EIF2B4: variants seen among roughly 807,000 people sequenced by gnomAD.
EIF2B4 encodes the protein translation initiation factor eIF2B subunit delta.
EIF2B4 carries 34 observed loss-of-function variants against 66.7 expected under a neutral mutation model. The observed-to-expected ratio is 0.51, with a 90% CI of 0.39 to 0.68. The LOEUF (loss-of-function observed/expected upper bound fraction) is 0.68, where lower values mean the gene tolerates loss of function less well. Ranked by LOEUF, EIF2B4 falls within the 30% of genes least tolerant of loss-of-function variation. EIF2B4 has a pLI of 0.00. For missense variants in EIF2B4, 618 were observed against 657.9 expected, an observed-to-expected ratio of 0.94 and a Z score of 0.66; for synonymous variants, 278 against 253.6, an observed-to-expected ratio of 1.10 and a Z score of -0.92.
rs757012537 is a variant in EIF2B4, at chr2:27,364,886, G to A, written c.1204C>T (p.Leu402=). The change falls in exon 12 of 13, where the codon CTA becomes TTA. Residue 402 remains leucine (L), a synonymous_variant. Transcript: ENST00000347454. ...GCCAAGAGTGCATGAGCTCCCAATA[G>A]CACCTTGGAAACCTGTTTCACAGGA... ...SYVLPEVSKV[L]LGAHALLANG... 9 of 1,614,034 alleles carry A rather than the reference G, an allele frequency of 5.6e-6. No individual in the cohort carries two copies. The South Asian group carries it at 8.8e-5, about 16-fold the overall frequency.
At chr2:27,366,172 A>T (rs1681839440) in intron 11 of EIF2B4, 1 of 123,424 alleles carries the variant, frequency 8.1e-6, no homozygotes, top group African/African-American at 3.4e-5. Flanking sequence ...AGTAGCTGGA[A>T]CTACATGCGC....
At position 27,367,064 on chromosome 2, in the gene EIF2B4, T is replaced by G; in HGVS notation, c.1013+10A>C. The G allele has an allele frequency of 6.2e-7, 1 of 1,614,218 alleles. No individual in the cohort carries two copies. The highest frequency in any genetic ancestry group is 8.5e-7 in the Non-Finnish European group (1 of 1,180,050). On this transcript the variant is annotated intron_variant, in intron 10 of 12. Coordinates refer to ENST00000347454, the MANE Select transcript of EIF2B4 (RefSeq NM_001034116.2). The stretch of plus-strand genomic sequence containing the variant: ...TCCCAATCTGCTCAGTCACAAGGTC[T>G]GGACCATACCATCCATATACCAGGA...
Position 27,364,588 on chromosome 2 carries a change from C to T in EIF2B4, c.1384G>A (p.Asp462Asn). Residue 462 changes from aspartate to asparagine, a missense_variant, in exon 13 of 13, where the codon GAT becomes AAT. Around this residue, in one of 4 missense-constraint regions of EIF2B4, gnomAD observed 63 missense variants for 47.5 expected, o/e 1.33. Coordinates refer to ENST00000347454, the MANE Select transcript of EIF2B4 (RefSeq NM_001034116.2). ...TGTTCTCCCCGCTTACATTGCAGAT[C>T]ATCAGGGTCATCTGCAATGGAAGGC... ...FVSNELDDPDDLQCKRGEHVA... is the reference protein window; with the variant it reads ...FVSNELDDPDNLQCKRGEHVA... 6.2e-7 allele frequency: 1 copy of T among 1,614,196 alleles called. No homozygotes were observed. Among genetic ancestry groups the T allele is most frequent in the Non-Finnish European group, 8.5e-7 (1 of 1,180,040 alleles).
intron 7 of EIF2B4, 57 bp downstream of exon 7, chr2:27,367,967 TG>T (rs972532369): frequency 2.6e-6 from 4 of 1,509,452 alleles, no homozygotes; most frequent in Non-Finnish European, 3.6e-6. Flanking sequence ...TGACAGAAGC[TG>T]GGGTAGTATT....
chr2:27,366,406 G>C (rs531452024), intron 11 of EIF2B4: 2 of 334,870 alleles, frequency 6.0e-6, no homozygotes, highest in African/African-American at 4.2e-5. Flanking sequence ...ATTGTGGCTG[G>C]GCACAGTGGC....
At position 27,366,601 on chromosome 2, in the gene EIF2B4, C is replaced by G. The variant is rs1284284523; in HGVS notation, c.1191+158G>C. 1.2e-5 allele frequency: 10 copies of G among 824,702 alleles called. No homozygotes were observed. The East Asian group carries it at 2.6e-4, about 22-fold the overall frequency. The allele number at this position is 824,702 out of a possible 1,614,324, so 51.1% of individuals were successfully genotyped here. A position where few individuals can be genotyped will look rare whatever the true frequency, so the allele number is the denominator to read the frequency against. ...GGCGGAGGTGGGAAGATCACCTGAG[C>G]CCAGGAGGTCAAGACTGCAGTGAGC... is the stretch of plus-strand genomic sequence containing the variant. On this transcript the variant is annotated intron_variant, in intron 11 of 12. Coordinates refer to ENST00000347454, the MANE Select transcript of EIF2B4 (RefSeq NM_001034116.2).
In EIF2B4 at chr2:27,367,755, G is replaced by A. The variant is rs1681969324; in HGVS notation, c.773C>T (p.Pro258Leu). Residue 258 changes from proline to leucine, a missense_variant, in exon 8 of 13, where the codon CCC (proline) becomes CTC (leucine). Transcript: ENST00000347454. ...ATAGTGTTGTCCCTACCTCATGTAGGGTTTTAGTTTATTCACTAGATCCCT... is the reference window on the plus strand; with the variant it reads ...ATAGTGTTGTCCCTACCTCATGTAGAGTTTTAGTTTATTCACTAGATCCCT... ...LSRDLVNKLKPYMSFLTQCRP... is the reference protein window; with the variant it reads ...LSRDLVNKLKLYMSFLTQCRP... 1.2e-6 allele frequency: 2 copies of A among 1,613,964 alleles called. No homozygotes were observed. The highest frequency in any genetic ancestry group is 1.7e-6 in the Non-Finnish European group (2 of 1,179,860).
chr2:27,364,656 G>C (rs552680376), intron 12 of EIF2B4, 57 bp from the exon 13 acceptor site: 1 of 1,613,938 alleles, frequency 6.2e-7, no homozygotes, highest in Non-Finnish European at 8.5e-7. Flanking sequence ...TAGTTTATCC[G>C]CCCCTCTCCC....
chr2:27,364,788 C>T lies in EIF2B4; in HGVS notation c.1302G>A (p.Val434=), dbSNP rs1282470878. ...ALVARAHNVP[V]LVCCETYKFC... ...ACTTGTATGTTTCACAGCAAACCAG[C>T]ACTGGTACATTATGGGCTCGAGCCA... The change falls in exon 12 of 13, where the codon GTG becomes GTA. Residue 434 remains valine, a synonymous_variant. Coordinates refer to ENST00000347454, the MANE Select transcript of EIF2B4 (RefSeq NM_001034116.2). 1 of 1,614,078 alleles carries T rather than the reference C, an allele frequency of 6.2e-7. No homozygotes were observed. The highest frequency in any genetic ancestry group is 8.5e-7 in the Non-Finnish European group (1 of 1,180,044).
chr2:27,365,211 C>G (rs1681759098), intron 11 of EIF2B4: 1 of 358,754 alleles, frequency 2.8e-6, no homozygotes, highest in Non-Finnish European at 5.4e-6. Context: ...CATGCACCAC[C>G]ACTCCCAGCT....
At chr2:27,370,146 G>C (rs1018201597) in intron 1 of EIF2B4, 138 bp downstream of exon 1, 1 of 1,537,276 alleles carries the variant, frequency 6.5e-7, no homozygotes, top group African/African-American at 1.4e-5. Context: ...GCGGGACTGC[G>C]CTCGAGACTG....
Position 27,370,179 on chromosome 2 carries a change from C to A in EIF2B4, c.31+105G>T. The A allele has an allele frequency of 3.2e-6, 5 of 1,544,284 alleles. No homozygotes were observed. The South Asian group carries it at 6.0e-5, about 18-fold the overall frequency. Reference sequence around the variant, plus strand: ...CTGTGTAGACCGGAGCCCAGCGTGGCGCTGGAACGGAGCGGCGGGGCCCAA... The same window carrying A: ...CTGTGTAGACCGGAGCCCAGCGTGGAGCTGGAACGGAGCGGCGGGGCCCAA... On this transcript the variant is annotated intron_variant, in intron 1 of 12. Transcript: ENST00000347454.
chr2:27,369,638 T>C (rs1682202448), intron 2 of EIF2B4, 89 bp from the exon 3 acceptor site: 2 of 1,601,254 alleles, frequency 1.2e-6, no homozygotes, highest in Non-Finnish European at 1.7e-6. Flanking sequence ...TCCACATGGT[T>C]AAATCCCTAG....
At chr2:27,366,626 C>T (rs1222884934) in intron 11 of EIF2B4, 133 bp downstream of exon 11, 5 of 1,052,682 alleles carry the variant, frequency 4.7e-6, no homozygotes, top group Middle Eastern at 3.0e-4. Context: ...CTGCAGTGAG[C>T]TGTGATCACG....
rs1211866067 is a variant in EIF2B4, at chr2:27,367,438, T to G, written c.885+19A>C. ...TTTACCCACAGGTGCATGCCTTCCT[T>G]ATTTCTCATACTCATCACCTCCTCT... On this transcript the variant is annotated intron_variant, in intron 9 of 12. Transcript: ENST00000347454. The G allele has an allele frequency of 1.1e-5, 18 of 1,613,948 alleles. No homozygotes were observed. Among genetic ancestry groups the G allele is most frequent in the Non-Finnish European group, 1.4e-5 (17 of 1,179,854 alleles).
Position 27,369,401 on chromosome 2 carries a change from A to C in EIF2B4, c.211+13T>G. 1 of 1,613,320 alleles carries C rather than the reference A, an allele frequency of 6.2e-7. No individual in the cohort carries two copies. Among genetic ancestry groups the C allele is most frequent in the South Asian group, 1.1e-5 (1 of 91,042 alleles). On this transcript the variant is annotated intron_variant, in intron 3 of 12. Transcript: ENST00000347454. ...TCCACACCCCAGCCCTTTAAAAGAG[A>C]CCCCTCACTCACCTTGACATTGGGC...
intron 1 of EIF2B4, 52 bp downstream of exon 1, chr2:27,370,232 C>T: frequency 6.5e-7 from 1 of 1,542,276 alleles, no homozygotes; most frequent in Non-Finnish European, 8.7e-7. Flanking sequence ...CACTAGCTGT[C>T]CGGAGCTCGT....
chr2:27,364,445 G>A lies in EIF2B4; in HGVS notation c.1527C>T (p.Cys509=). 6.2e-7 allele frequency: 1 copy of A among 1,614,116 alleles called. No homozygotes were observed. Among genetic ancestry groups the A allele is most frequent in the Non-Finnish European group, 8.5e-7 (1 of 1,180,030 alleles). ...LVITELGMIP[C]SSVPVVLRVK... is the part of the protein sequence containing the mutation. ...CTCGTAGAACAACAGGTACAGAACT[G>A]CAAGGGATCATCCCCAGCTCCGTGA... is the stretch of plus-strand genomic sequence containing the variant. The change falls in exon 13 of 13, where the codon TGC becomes TGT. Residue 509 remains cysteine (C), a synonymous_variant. Coordinates refer to ENST00000347454, the MANE Select transcript of EIF2B4 (RefSeq NM_001034116.2).
Position 27,368,070 on chromosome 2 carries a change from A to G in EIF2B4, c.660T>C (p.Ser220=). The G allele has an allele frequency of 2.5e-6, 4 of 1,599,584 alleles. No homozygotes were observed. Among genetic ancestry groups the G allele is most frequent in the Non-Finnish European group, 3.4e-6 (4 of 1,172,914 alleles). Reference sequence around the variant, plus strand: ...GGGCAATACACCGGGCATTGGAGCCACTGACCAGGCCCTGGGAGTACTGCA... The same window carrying G: ...GGGCAATACACCGGGCATTGGAGCCGCTGACCAGGCCCTGGGAGTACTGCA... ...LGLQYSQGLV[S]GSNARCIALL... The change falls in exon 7 of 13, where the codon AGT becomes AGC. Residue 220 remains serine, a synonymous_variant. Coordinates refer to ENST00000347454, the MANE Select transcript of EIF2B4 (RefSeq NM_001034116.2).
Sources: gnomAD v4.1 joint callset for allele counts on GRCh38, gnomAD v4.1.1 for gene constraint, gnomAD v4.1.1 regional missense constraint, MANE v1.5 for transcripts, NCBI Gene and HGNC (gene_info 2026-07-23, HGNC 2026-07-21) for gene names.